The following NEURL1B variants were observed in gnomAD, a reference collection of about 807,000 sequenced individuals.
NEURL1B encodes the protein E3 ubiquitin-protein ligase NEURL1B.
In NEURL1B, 13 loss-of-function variants were observed where a neutral mutation model predicts 37.4. The observed-to-expected ratio is 0.35, with a 90% CI of 0.23 to 0.55. The LOEUF (loss-of-function observed/expected upper bound fraction) is 0.55. NEURL1B is among the 20% of genes least tolerant of loss of function. The pLI, the probability that NEURL1B is intolerant of heterozygous loss-of-function variation, is 0.89. For synonymous variants in NEURL1B, 432 were observed against 426.6 expected, an observed-to-expected ratio of 1.01 and a Z score of -0.16; for missense variants, 790 against 879.2, an observed-to-expected ratio of 0.90 and a Z score of 1.28.
chr5:172,668,470 A>G (rs1412034566), intron 1 of NEURL1B, among the ~76,000 whole-genome samples: 1 of 151,850 alleles, frequency 6.6e-6, no homozygotes, highest in Non-Finnish European at 1.5e-5. Flanking sequence ...AAGGGGAGCC[A>G]TGTCTTGTTT....
In NEURL1B at chr5:172,661,958, C is replaced by G. The variant is rs150091981; in HGVS notation, c.32-7827C>G. 1.2e-4 allele frequency among the ~76,000 whole-genome samples: 19 copies of G among 152,336 alleles called. No individual in the cohort carries two copies. In the East Asian group the frequency reaches 3.7e-3, roughly 29 times the overall value. On this transcript the variant is annotated intron_variant, in intron 1 of 4. Transcript: ENST00000369800. The surrounding 1 kb of genome is among the most constrained non-coding windows in gnomAD (Gnocchi z 4.0). ...CTTGGACACCAAGGGGAAGCAACCCCAGGGTTTTCAAGAGGCCTCTGCTGG... is the reference window on the plus strand; with the variant it reads ...CTTGGACACCAAGGGGAAGCAACCCGAGGGTTTTCAAGAGGCCTCTGCTGG...
At chr5:172,684,265 G>A in intron 3 of NEURL1B, 127 bp downstream of exon 3, 5 of 867,968 alleles carry the variant, frequency 5.8e-6, no homozygotes, top group Non-Finnish European at 7.5e-6. Context: ...CCAGCCCGCG[G>A]TTCCCAACTT....
chr5:172,685,078 G>A (rs1209579232), intron 3 of NEURL1B, among the ~76,000 whole-genome samples: 1 of 152,160 alleles, frequency 6.6e-6, no homozygotes, highest in Non-Finnish European at 1.5e-5. Context: ...GGGTCACATC[G>A]CTGGTCAGCT....
At chr5:172,659,999 G>A (rs111323725) in intron 1 of NEURL1B, among the ~76,000 whole-genome samples, 5 of 152,186 alleles carry the variant, frequency 3.3e-5, no homozygotes, top group African/African-American at 9.7e-5. Context: ...GTCTCAGCTC[G>A]AGGGGGCGGG....
intron 1 of NEURL1B, among the ~76,000 whole-genome samples, chr5:172,650,823 C>T (rs1360721814): frequency 6.6e-6 from 1 of 152,182 alleles, no homozygotes; most frequent in Non-Finnish European, 1.5e-5. Context: ...TAGGATTAGA[C>T]CGCACAGGCT....
chr5:172,672,310 TG>T (rs1269643008), intron 2 of NEURL1B, among the ~76,000 whole-genome samples: 1 of 152,162 alleles, frequency 6.6e-6, no homozygotes, highest in African/African-American at 2.4e-5. Flanking sequence ...TGCAGGTTTC[TG>T]AAACCTCCTA....
rs1182829964 is a variant in NEURL1B, at chr5:172,641,426, G to C, written c.20G>C (p.Arg7Pro). The change falls in exon 1 of 5, where the codon CGG (arginine) becomes CCG (proline). Residue 7 changes from arginine (R) to proline (P), a missense_variant. Coordinates refer to ENST00000369800, the MANE Select transcript of NEURL1B (RefSeq NM_001142651.3). This position sits in a 1 kb window ranked among gnomAD's most constrained non-coding sequence, Gnocchi z 6.4. ...GCAGCGATGGGCAACACGGTGCACCGGACCCTGCCAGGTACGCCGGGGAGC... is the reference window on the plus strand; with the variant it reads ...GCAGCGATGGGCAACACGGTGCACCCGACCCTGCCAGGTACGCCGGGGAGC... MGNTVHRTLPDPSPPAR... is the reference protein window; with the variant it reads MGNTVHPTLPDPSPPAR... 2 of 1,337,252 alleles carry C rather than the reference G, an allele frequency of 1.5e-6. No homozygotes were observed. The highest frequency in any genetic ancestry group is 1.5e-5 in the African/African-American group (1 of 65,112). 82.8% of individuals were successfully genotyped at this position (1,337,252 alleles called of 1,614,324 possible).
At chr5:172,663,828 G>GTTTTTT (rs150491358) in intron 1 of NEURL1B, among the ~76,000 whole-genome samples, 83 of 43,146 alleles carry the variant, frequency 1.9e-3, no homozygotes, top group African/African-American at 4.4e-3. Flanking sequence ...GGTTTTATTT[G>GTTTTTT]TTTATTATTA....
intron 1 of NEURL1B, among the ~76,000 whole-genome samples, chr5:172,644,139 G>A (rs139523371): frequency 3.0e-4 from 46 of 152,256 alleles, no homozygotes; most frequent in African/African-American, 5.5e-4. Context: ...ACTGCTATAC[G>A]TTTAGCACCT....
Position 172,683,722 on chromosome 5 carries a change from C to G in NEURL1B, c.881C>G (p.Ala294Gly). The change falls in exon 3 of 5, where the codon GCC becomes GGC. Residue 294 changes from alanine (A) to glycine (G), a missense_variant. This residue lies in a region of NEURL1B where 460 missense variants were observed against 407.4 expected (regional missense o/e 1.13). Transcript: ENST00000369800. The surrounding 1 kb of genome is among the most constrained non-coding windows in gnomAD (Gnocchi z 5.6). Reference sequence around the variant, plus strand: ...CGCGGGCCCGACGTGAGCCTGTCGGCCGACCGCAAAGTGGCCTGCGCACCG... The same window carrying G: ...CGCGGGCCCGACGTGAGCCTGTCGGGCGACCGCAAAGTGGCCTGCGCACCG... ...ATRGPDVSLS[A>G]DRKVACAPRP... 1 of 1,357,384 alleles carries G rather than the reference C, an allele frequency of 7.4e-7. No homozygotes were observed. Among genetic ancestry groups the G allele is most frequent in the South Asian group, 1.5e-5 (1 of 68,732 alleles). 84.1% of individuals were successfully genotyped at this position (1,357,384 alleles called of 1,614,324 possible). A position where few individuals can be genotyped will look rare whatever the true frequency, so the allele number is the denominator to read the frequency against.
chr5:172,664,489 G>C (rs549463664), intron 1 of NEURL1B, among the ~76,000 whole-genome samples: 25 of 152,116 alleles, frequency 1.6e-4, no homozygotes, highest in African/African-American at 5.8e-4. Context: ...GGCAGCGGGT[G>C]GGGGGGACGG....
chr5:172,673,079 A>T (rs7701254), intron 2 of NEURL1B, among the ~76,000 whole-genome samples: 3 of 152,036 alleles, frequency 2.0e-5, no homozygotes, highest in African/African-American at 7.3e-5. Context: ...ACATCTGGGT[A>T]AAGGGATTAT....
At position 172,687,029 on chromosome 5, in the gene NEURL1B, C is replaced by G; in HGVS notation, c.*104C>G. On this transcript the variant is annotated 3_prime_UTR_variant, in exon 5 of 5. Transcript: ENST00000369800. Reference sequence around the variant, plus strand: ...CAGGGAGTCCACGGGCAGCGGCCATCTCTCCAGTGGTGGGCAAGGTGTGAC... The same window carrying G: ...CAGGGAGTCCACGGGCAGCGGCCATGTCTCCAGTGGTGGGCAAGGTGTGAC... 7.5e-7 allele frequency: 1 copy of G among 1,336,814 alleles called. No individual in the cohort carries two copies. The highest frequency in any genetic ancestry group is 1.0e-6 in the Non-Finnish European group (1 of 985,324). 82.8% of individuals were successfully genotyped at this position (1,336,814 alleles called of 1,614,324 possible).
rs1757983932 is a variant in NEURL1B at position 172,665,025 on chromosome 5, C to T, written c.32-4760C>T. Among the ~76,000 whole-genome samples, 2 of 152,172 alleles carry T rather than the reference C, an allele frequency of 1.3e-5. No individual in the cohort carries two copies. The highest frequency in any genetic ancestry group is 4.8e-5 in the African/African-American group (2 of 41,430). On this transcript the variant is annotated intron_variant, in intron 1 of 4. Transcript: ENST00000369800. This position sits in a 1 kb window ranked among gnomAD's most constrained non-coding sequence, Gnocchi z 4.1. ...CCCCAGTATTCATTTAAATTGCAGG[C>T]CGCTCTTAAAGAACATCTCTTGGGA...
intron 1 of NEURL1B, among the ~76,000 whole-genome samples, chr5:172,653,215 G>A (rs969367344): frequency 1.3e-5 from 2 of 152,178 alleles, no homozygotes; most frequent in African/African-American, 2.4e-5. Flanking sequence ...ATGTGGGGAC[G>A]TCAGCAGTGG....
chr5:172,677,831 C>T (rs962041853), intron 2 of NEURL1B, among the ~76,000 whole-genome samples: 1 of 152,180 alleles, frequency 6.6e-6, no homozygotes, highest in African/African-American at 2.4e-5. Flanking sequence ...AAAACACCCT[C>T]CATCAGCCCC....
rs1232888237 is a variant in NEURL1B at position 172,691,172 on chromosome 5, G to A, written c.*4247G>A. 1.3e-5 allele frequency: 2 copies of A among 152,176 alleles called. No individual in the cohort carries two copies. Among genetic ancestry groups the A allele is most frequent in the East Asian group, 3.8e-4 (2 of 5,204 alleles). The allele number at this position is 152,176 out of a possible 1,614,324, so 9.4% of individuals were successfully genotyped here. ...CTTTTAAAAGTGGATGGGGAGGGGG[G>A]CTAGCATACGTGGTAGGGTTCTAGA... On this transcript the variant is annotated 3_prime_UTR_variant, in exon 5 of 5. Coordinates refer to ENST00000369800, the MANE Select transcript of NEURL1B (RefSeq NM_001142651.3).
At position 172,686,021 on chromosome 5, in the gene NEURL1B, T is replaced by A. The variant is rs1758487472; in HGVS notation, c.1298-150T>A. On this transcript the variant is annotated intron_variant, in intron 3 of 4. Coordinates refer to ENST00000369800, the MANE Select transcript of NEURL1B (RefSeq NM_001142651.3). The surrounding 1 kb of genome is among the most constrained non-coding windows in gnomAD (Gnocchi z 7.9). Reference sequence around the variant, plus strand: ...AAAGAACAGAGGCACCACACTGGGATGCACTCTTCACTCCTCAGCAGAACC... The same window carrying A: ...AAAGAACAGAGGCACCACACTGGGAAGCACTCTTCACTCCTCAGCAGAACC... The A allele has an allele frequency of 2.8e-5, 23 of 819,022 alleles. No individual in the cohort carries two copies. The South Asian group carries it at 4.1e-4, about 14-fold the overall frequency. The allele number at this position is 819,022 out of a possible 1,614,324, so 50.7% of individuals were successfully genotyped here. A position where few individuals can be genotyped will look rare whatever the true frequency, so the allele number is the denominator to read the frequency against.
At chr5:172,648,802 G>A (rs1354925220) in intron 1 of NEURL1B, among the ~76,000 whole-genome samples, 11 of 152,212 alleles carry the variant, frequency 7.2e-5, no homozygotes, top group Non-Finnish European at 1.3e-4. Flanking sequence ...GGCAGGGTGG[G>A]GGCCCTCTCC....
Sources: allele counts gnomAD v4.1 joint callset (sites outside exome capture counted in the v4.1 genomes callset), GRCh38; gene constraint gnomAD v4.1.1; regional missense constraint gnomAD v4.1.1; non-coding constraint Gnocchi (gnomAD v3.1); transcripts MANE v1.5; gene names NCBI Gene and HGNC (gene_info 2026-07-23, HGNC 2026-07-21).